The following SNX30 variants were observed in gnomAD, a reference collection of about 807,000 sequenced individuals.
The protein encoded by SNX30 is sorting nexin-30.
Under a neutral mutation model 46.4 loss-of-function variants are expected in SNX30, and 24 were observed. That is an observed-to-expected ratio of 0.52 (90% CI 0.37 to 0.73). The LOEUF (loss-of-function observed/expected upper bound fraction) is 0.73, where lower values mean the gene tolerates loss of function less well. Among genes scored for constraint, SNX30 ranks in the 30% least tolerant of loss-of-function variants. The pLI is 0.00. For missense variants in SNX30, 533 were observed against 555.7 expected (o/e 0.96, Z 0.41); for synonymous variants, 189 against 211.5 (o/e 0.89, Z 0.92).
chr9:112,826,172 A>C (rs528271674), intron 3 of SNX30, among the ~76,000 whole-genome samples: 1 of 152,352 alleles, frequency 6.6e-6, no homozygotes, highest in East Asian at 1.9e-4. Context: ...AACAGGACTC[A>C]TGAAGTAAGA....
chr9:112,842,251 G>A (rs562571149), intron 6 of SNX30, among the ~76,000 whole-genome samples: 11 of 152,328 alleles, frequency 7.2e-5, no homozygotes, highest in South Asian at 4.1e-4. Flanking sequence ...CCTGTGGCCC[G>A]TTCTTCATCA....
intron 6 of SNX30, among the ~76,000 whole-genome samples, chr9:112,849,506 T>G (rs1195825898): frequency 1.3e-5 from 2 of 152,234 alleles, no homozygotes; most frequent in Non-Finnish European, 2.9e-5. Context: ...TAAATATTCC[T>G]ACTCAAAGAT....
chr9:112,834,921 G>T (rs1452480482), intron 4 of SNX30, among the ~76,000 whole-genome samples: 2 of 149,552 alleles, frequency 1.3e-5, no homozygotes, highest in African/African-American at 2.5e-5. Flanking sequence ...GAGCAAAAAT[G>T]AAGGCCTAAA....
intron 7 of SNX30, among the ~76,000 whole-genome samples, chr9:112,857,882 C>T (rs1365217512): frequency 2.0e-5 from 3 of 152,042 alleles, no homozygotes; most frequent in East Asian, 1.9e-4. Flanking sequence ...CTGAGTAATG[C>T]GTTTTTAAAT....
Position 112,791,450 on chromosome 9 carries a change from G to A in SNX30, c.157-13326G>A, listed in dbSNP as rs150708405. Among the ~76,000 whole-genome samples the A allele has an allele frequency of 9.9e-3, 1,081 of 109,040 alleles. 17 individuals carry two copies. The highest frequency in any genetic ancestry group is 0.08 in the Middle Eastern group (7 of 88). The allele number at this position is 109,040 out of a possible 152,430, so 71.5% of individuals were successfully genotyped here. A position where few individuals can be genotyped will look rare whatever the true frequency, so the allele number is the denominator to read the frequency against. ...TTTTGAGACGGAGCCTTGCTCTGTC[G>A]CCAGGCTGGAGTGCAGTGGCGCAAT... is the stretch of plus-strand genomic sequence containing the variant. On this transcript the variant is annotated intron_variant, in intron 1 of 8. Coordinates refer to ENST00000374232, the MANE Select transcript of SNX30 (RefSeq NM_001012994.2).
chr9:112,760,051 C>T (rs1839411946), intron 1 of SNX30, among the ~76,000 whole-genome samples: 1 of 152,116 alleles, frequency 6.6e-6, no homozygotes, highest in Admixed American at 6.6e-5. Context: ...TAGTTGAGGT[C>T]TGATCAGGGA....
intron 8 of SNX30, among the ~76,000 whole-genome samples, chr9:112,865,661 A>ATATGTGTGTGTGTG: frequency 5.7e-5 from 6 of 105,702 alleles, no homozygotes; most frequent in African/African-American, 1.9e-4. Context: ...ATATATATAT[A>ATATGTGTGTGTGTG]TGTATGTATG....
intron 1 of SNX30, among the ~76,000 whole-genome samples, chr9:112,761,991 A>G (rs1238929144): frequency 6.6e-6 from 1 of 152,174 alleles, no homozygotes; most frequent in East Asian, 1.9e-4. Context: ...ATCAGGTGTT[A>G]GTGAAGGCCA....
At chr9:112,849,442 G>T (rs944471909) in intron 6 of SNX30, among the ~76,000 whole-genome samples, 28 of 152,214 alleles carry the variant, frequency 1.8e-4, no homozygotes, top group African/African-American at 6.5e-4. Context: ...TCCTGGGTTA[G>T]TGTAGATTAT....
At chr9:112,785,222 A>AT (rs1013631360) in intron 1 of SNX30, among the ~76,000 whole-genome samples, 235 of 148,276 alleles carry the variant, frequency 1.6e-3, no homozygotes, top group Non-Finnish European at 1.6e-3. Context: ...TGGGAATGTA[A>AT]TTTTTTTTTT....
chr9:112,812,713 A>G (rs2131413997), intron 2 of SNX30, among the ~76,000 whole-genome samples: 1 of 151,406 alleles, frequency 6.6e-6, no homozygotes, highest in Non-Finnish European at 1.5e-5. Context: ...AGAATGGTGT[A>G]AAATTTGGAA....
intron 7 of SNX30, among the ~76,000 whole-genome samples, chr9:112,860,322 G>A (rs1180692013): frequency 6.6e-6 from 1 of 152,118 alleles, no homozygotes; most frequent in Non-Finnish European, 1.5e-5. Context: ...TTTTCCATAA[G>A]CCTTTATAAA....
At chr9:112,813,987 A>G (rs1840359484) in intron 2 of SNX30, among the ~76,000 whole-genome samples, 1 of 152,200 alleles carries the variant, frequency 6.6e-6, no homozygotes, top group African/African-American at 2.4e-5. Context: ...GATTCCTAGA[A>G]GTAGAAAAGC....
intron 1 of SNX30, among the ~76,000 whole-genome samples, chr9:112,777,168 T>A (rs565310227): frequency 6.6e-6 from 1 of 152,336 alleles, no homozygotes; most frequent in East Asian, 1.9e-4. Flanking sequence ...CTTCCAGAAA[T>A]TCCTCAAAAT....
intron 7 of SNX30, among the ~76,000 whole-genome samples, chr9:112,863,588 A>G (rs918085042): frequency 3.3e-5 from 5 of 152,226 alleles, no homozygotes; most frequent in South Asian, 2.1e-4. Flanking sequence ...TTGAATTTCA[A>G]ATTTTTTTGA....
At chr9:112,812,440 G>A (rs1430594824) in intron 2 of SNX30, among the ~76,000 whole-genome samples, 10 of 152,098 alleles carry the variant, frequency 6.6e-5, no homozygotes, top group Admixed American at 3.3e-4. Context: ...GTTTTTAGTA[G>A]AGATGGGGTT....
chr9:112,805,665 C>T (rs1230900098), intron 2 of SNX30, among the ~76,000 whole-genome samples: 2 of 152,132 alleles, frequency 1.3e-5, no homozygotes, highest in African/African-American at 4.8e-5. Context: ...GACAGGGTTT[C>T]ACCTTATTGG....
intron 1 of SNX30, among the ~76,000 whole-genome samples, chr9:112,792,844 T>C (rs552534557): frequency 1.3e-5 from 2 of 151,990 alleles, no homozygotes; most frequent in African/African-American, 4.8e-5. Context: ...TTTTAATTTA[T>C]GCTTTCATTT....
chr9:112,754,266 G>A (rs1839316583), intron 1 of SNX30, among the ~76,000 whole-genome samples: 1 of 152,150 alleles, frequency 6.6e-6, no homozygotes, highest in Non-Finnish European at 1.5e-5. Context: ...GACTGAATAT[G>A]ATGGACTCTC....
Sources: gnomAD v4.1 joint callset for allele counts (sites outside exome capture counted in the v4.1 genomes callset) on GRCh38, gnomAD v4.1.1 for gene constraint, MANE v1.5 for transcripts, NCBI Gene and HGNC (gene_info 2026-07-23, HGNC 2026-07-21) for gene names.